RRP1: variants seen among roughly 807,000 people sequenced by gnomAD.
RRP1 encodes ribosomal RNA processing 1.
In RRP1, 37 loss-of-function variants were observed where a neutral mutation model predicts 54.6. The observed-to-expected ratio is 0.68, with a 90% CI of 0.52 to 0.89. RRP1 has a LOEUF of 0.89. Ranked by LOEUF, RRP1 falls within the 40% of genes least tolerant of loss-of-function variation. The probability of loss-of-function intolerance (pLI) is 0.00; values close to 1 mark genes in which losing one functional copy is unlikely to be tolerated. For missense variants in RRP1, 639 were observed against 612.5 expected (o/e 1.04, Z -0.46); for synonymous variants, 262 against 244.3 (o/e 1.07, Z -0.67).
chr21:43,801,622 G>A (rs1329003658), intron 11 of RRP1, among the ~76,000 whole-genome samples: 4 of 152,148 alleles, frequency 2.6e-5, no homozygotes, highest in Non-Finnish European at 5.9e-5. Context: ...ACAGGCGCAC[G>A]CCACCACGCC....
chr21:43,800,829 T>C, intron 10 of RRP1, 33 bp from the exon 11 acceptor site: 3 of 1,613,170 alleles, frequency 1.9e-6, no homozygotes, highest in Non-Finnish European at 2.5e-6. Flanking sequence ...AAGCCGCAGC[T>C]GTGGTAAGTG....
chr21:43,798,200 C>T, intron 8 of RRP1, 100 bp downstream of exon 8: 1 of 1,012,730 alleles, frequency 9.9e-7, no homozygotes, highest in Non-Finnish European at 1.4e-6. Flanking sequence ...TACCTGGTCC[C>T]CTTGTCTCTG....
intron 3 of RRP1, chr21:43,792,990 A>G: frequency 1.8e-6 from 1 of 563,868 alleles, no homozygotes; most frequent in Non-Finnish European, 3.1e-6. Context: ...TAAAGTGAAA[A>G]GCCAGGATAA....
At chr21:43,799,500 C>T (rs1664086670) in intron 8 of RRP1, 70 bp from the exon 9 acceptor site, 2 of 1,511,616 alleles carry the variant, frequency 1.3e-6, no homozygotes, top group East Asian at 2.3e-5. Context: ...AGCGGGCTCT[C>T]CATTCCTGGA....
At chr21:43,798,253 T>A (rs995348232) in intron 8 of RRP1, among the ~76,000 whole-genome samples, 153 bp downstream of exon 8, 1 of 152,076 alleles carries the variant, frequency 6.6e-6, no homozygotes, top group Non-Finnish European at 1.5e-5. Context: ...CCAGAGTGAC[T>A]TCTGTGGGCA....
chr21:43,790,235 C>T (rs1401487993), intron 1 of RRP1, among the ~76,000 whole-genome samples: 1 of 152,204 alleles, frequency 6.6e-6, no homozygotes, highest in African/African-American at 2.4e-5. Flanking sequence ...CGTGGTCCCC[C>T]ATCAGCAGTA....
rs1400890329 is a variant in RRP1 at position 43,805,256 on chromosome 21, A to G, written c.*1482A>G. 6.7e-6 allele frequency: 1 copy of G among 149,088 alleles called. No homozygotes were observed. Among genetic ancestry groups the G allele is most frequent in the African/African-American group, 2.5e-5 (1 of 39,900 alleles). 9.2% of individuals were successfully genotyped at this position (149,088 alleles called of 1,614,324 possible). ...ACGCCATTGCACTCCAGCCTGGGCA[A>G]CGAGAGGGAAACTCTGTTTCAAAAA... On this transcript the variant is annotated 3_prime_UTR_variant, in exon 13 of 13. Coordinates refer to ENST00000497547, the MANE Select transcript of RRP1 (RefSeq NM_003683.6).
intron 8 of RRP1, 66 bp from the exon 9 acceptor site, chr21:43,799,504 T>C (rs2085061220): frequency 8.5e-6 from 13 of 1,523,452 alleles, no homozygotes; most frequent in Non-Finnish European, 1.2e-5. Context: ...GGCTCTCCAT[T>C]CCTGGATGTT....
chr21:43,799,471 C>A, intron 8 of RRP1, 99 bp from the exon 9 acceptor site: 2 of 1,292,046 alleles, frequency 1.5e-6, no homozygotes, highest in South Asian at 1.3e-5. Flanking sequence ...TGTGCCCGTG[C>A]TCCGACCAGG....
intron 5 of RRP1, among the ~76,000 whole-genome samples, chr21:43,797,203 T>C (rs1364950171): frequency 6.6e-6 from 1 of 152,204 alleles, no homozygotes; most frequent in Admixed American, 6.5e-5. Context: ...GTGGTGGTGC[T>C]GGTCACATAA....
chr21:43,792,903 G>A, intron 3 of RRP1, 174 bp downstream of exon 3: 1 of 648,400 alleles, frequency 1.5e-6, no homozygotes, highest in Non-Finnish European at 2.7e-6. Flanking sequence ...GCTGGTGTAA[G>A]TATTCAACAT....
chr21:43,792,951 T>G (rs555827521), intron 3 of RRP1: 1 of 586,626 alleles, frequency 1.7e-6, no homozygotes, highest in African/African-American at 1.9e-5. Flanking sequence ...ATTTCGAGCC[T>G]AATGGGCTAA....
At position 43,791,430 on chromosome 21, in the gene RRP1, C is replaced by T; in HGVS notation, c.214C>T (p.Gln72Ter). The change falls in exon 2 of 13, where the codon CAG becomes TAG. Residue 72 changes from glutamine (Q) to a stop codon, truncating the protein, a stop_gained and splice_region_variant. Transcript: ENST00000497547. LOFTEE classifies it high-confidence loss of function. ...CMWMQDKPLL[Q>*]EELGRTISQL... ...GTGGATGCAGGACAAGCCACTCCTC[C>T]AGGTGAGTGGGGGGAGCAGCAGAGC... 1 of 1,613,638 alleles carries T rather than the reference C, an allele frequency of 6.2e-7. No homozygotes were observed. Among genetic ancestry groups the T allele is most frequent in the Non-Finnish European group, 8.5e-7 (1 of 1,179,620 alleles).
At chr21:43,791,189 T>G in intron 1 of RRP1, 161 bp from the exon 2 acceptor site, 1 of 734,182 alleles carries the variant, frequency 1.4e-6, no homozygotes, top group Non-Finnish European at 2.4e-6. Context: ...GGTTCTGGGT[T>G]AGAAGGATTG....
In RRP1 at chr21:43,803,583, G is replaced by C; in HGVS notation, c.1195G>C (p.Asp399His). The part of the protein sequence containing the change: ...KRSRRRGVGA[D>H]PEARAEAGEQ... ...GAGCAGGAGGAGGGGTGTAGGGGCC[G>C]ACCCCGAGGCGCGGGCAGAGGCTGG... Residue 399 changes from aspartate to histidine, a missense_variant, in exon 13 of 13, where the codon GAC becomes CAC. Transcript: ENST00000497547. 1 of 1,553,334 alleles carries C rather than the reference G, an allele frequency of 6.4e-7. No individual in the cohort carries two copies. The highest frequency in any genetic ancestry group is 8.7e-7 in the Non-Finnish European group (1 of 1,148,940).
At chr21:43,798,842 C>T (rs963671236) in intron 8 of RRP1, among the ~76,000 whole-genome samples, 2 of 152,116 alleles carry the variant, frequency 1.3e-5, no homozygotes, top group African/African-American at 4.8e-5. Context: ...CGCTCAGGAC[C>T]CCAGTATGCC....
chr21:43,801,983 C>T (rs1298904570), intron 11 of RRP1, among the ~76,000 whole-genome samples: 1 of 152,054 alleles, frequency 6.6e-6, no homozygotes, highest in Admixed American at 6.6e-5. Context: ...TCCAAAACAA[C>T]CTGACATTCA....
chr21:43,805,267 ACT>A lies in RRP1; in HGVS notation c.*1496_*1497del, dbSNP rs1324790813. 7 of 133,024 alleles carry A rather than the reference ACT, an allele frequency of 5.3e-5. No homozygotes were observed. The East Asian group carries it at 7.0e-4, about 13-fold the overall frequency. The allele number at this position is 133,024 out of a possible 1,614,324, so 8.2% of individuals were successfully genotyped here. On this transcript the variant is annotated 3_prime_UTR_variant, in exon 13 of 13. Transcript: ENST00000497547. ...CTCCAGCCTGGGCAACGAGAGGGAA[ACT>A]CTGTTTCAAAAAAAAAAAAAAAAAG...
chr21:43,797,544 C>T lies in RRP1; in HGVS notation c.545C>T (p.Ala182Val), dbSNP rs1569015375. The T allele has an allele frequency of 1.2e-6, 2 of 1,613,942 alleles. No homozygotes were observed. The highest frequency in any genetic ancestry group is 1.7e-6 in the Non-Finnish European group (2 of 1,179,886). ...CTGGAGGAGCTGACCAAAGTGGGCG[C>T]CGAGGAGGTGAGGCTGGGCTCCGAC... The part of the protein sequence containing the change: ...IFLEELTKVG[A>V]EELTADQNLK... The change falls in exon 6 of 13, where the codon GCC becomes GTC. Residue 182 changes from alanine to valine, a missense_variant. Ala to Val is a moderately conservative substitution (Grantham distance 64). Transcript: ENST00000497547.
Sources: allele counts gnomAD v4.1 joint callset (sites outside exome capture counted in the v4.1 genomes callset), GRCh38; gene constraint gnomAD v4.1.1; transcripts MANE v1.5; gene names NCBI Gene and HGNC (gene_info 2026-07-23, HGNC 2026-07-21).